The following ULK4 variants were observed in gnomAD, a reference collection of about 807,000 sequenced individuals.
The protein encoded by ULK4 is unc-51 like kinase 4.
In ULK4, 133 loss-of-function variants were observed where a neutral mutation model predicts 160.6. The observed-to-expected ratio is 0.83, with a 90% CI of 0.72 to 0.96. ULK4 has a LOEUF of 0.96. ULK4 is among the 40% of genes least tolerant of loss of function. ULK4 has a pLI of 0.00. For missense variants in ULK4, 1,580 were observed against 1,499.5 expected (o/e 1.05, Z -0.89); for synonymous variants, 534 against 539.8 (o/e 0.99, Z 0.15).
intron 21 of ULK4, among the ~76,000 whole-genome samples, chr3:41,768,949 T>C (rs2039260607): frequency 6.6e-6 from 1 of 152,052 alleles, no homozygotes; most frequent in African/African-American, 2.4e-5. Flanking sequence ...CCCAATAAAC[T>C]CACTGTAAAT....
chr3:41,803,895 T>C (rs551832737), intron 19 of ULK4, among the ~76,000 whole-genome samples: 1 of 152,354 alleles, frequency 6.6e-6, no homozygotes, highest in South Asian at 2.1e-4. Flanking sequence ...TTGTTGGACA[T>C]TTGGATTGGT....
At chr3:41,769,906 C>A (rs762375885) in intron 21 of ULK4, among the ~76,000 whole-genome samples, 13 of 152,138 alleles carry the variant, frequency 8.5e-5, no homozygotes, top group Non-Finnish European at 1.6e-4. Flanking sequence ...TGGCCATCAA[C>A]TGATAACAGC....
At chr3:41,755,712 A>G (rs1456313388) in intron 21 of ULK4, among the ~76,000 whole-genome samples, 1 of 152,228 alleles carries the variant, frequency 6.6e-6, no homozygotes, top group East Asian at 1.9e-4. Context: ...TCCAGATTAT[A>G]AGAGATTAAA....
At chr3:41,933,768 A>G (rs1216087539) in intron 4 of ULK4, among the ~76,000 whole-genome samples, 2 of 151,960 alleles carry the variant, frequency 1.3e-5, no homozygotes, top group East Asian at 3.9e-4. Context: ...TGTGGTTTTT[A>G]GCCAGGCATG....
At chr3:41,919,843 C>T (rs545229454) in intron 5 of ULK4, 25 bp from the exon 6 acceptor site, 2 of 1,553,786 alleles carry the variant, frequency 1.3e-6, no homozygotes, top group Non-Finnish European at 1.8e-6. Context: ...TGAAGAACAG[C>T]TCGGTTAGGC....
intron 17 of ULK4, among the ~76,000 whole-genome samples, chr3:41,837,134 A>G (rs956782276): frequency 1.3e-5 from 2 of 152,240 alleles, no homozygotes; most frequent in African/African-American, 4.8e-5. Flanking sequence ...CATTTTGCAA[A>G]TAAGAGTATG....
At chr3:41,782,157 T>A (rs1246276872) in intron 21 of ULK4, among the ~76,000 whole-genome samples, 1 of 83,554 alleles carries the variant, frequency 1.2e-5, no homozygotes, top group Non-Finnish European at 2.2e-5. Context: ...CGATTCTGAA[T>A]TTTTTTTTTT....
chr3:41,798,641 G>A (rs2040368074), intron 20 of ULK4, among the ~76,000 whole-genome samples: 1 of 152,106 alleles, frequency 6.6e-6, no homozygotes, highest in Non-Finnish European at 1.5e-5. Flanking sequence ...ACCAGATTGG[G>A]CTAAAAGGGA....
chr3:41,788,372 G>A (rs1324183677), intron 21 of ULK4, among the ~76,000 whole-genome samples: 1 of 152,096 alleles, frequency 6.6e-6, no homozygotes, highest in African/African-American at 2.4e-5. Context: ...ATCATGTTTT[G>A]CAAAACTCTG....
At chr3:41,910,757 C>T (rs898275366) in intron 11 of ULK4, among the ~76,000 whole-genome samples, 1 of 152,162 alleles carries the variant, frequency 6.6e-6, no homozygotes, top group African/African-American at 2.4e-5. Context: ...ATGGCTCAAA[C>T]CCAGGAGTTT....
intron 34 of ULK4, among the ~76,000 whole-genome samples, chr3:41,434,882 TAGTC>T (rs1420241805): frequency 6.6e-6 from 1 of 152,208 alleles, no homozygotes; most frequent in Non-Finnish European, 1.5e-5. Flanking sequence ...GTTTAGTACT[TAGTC>T]AATTTATTTT....
At chr3:41,646,080 G>T (rs2034474923) in intron 30 of ULK4, among the ~76,000 whole-genome samples, 1 of 152,104 alleles carries the variant, frequency 6.6e-6, no homozygotes, top group African/African-American at 2.4e-5. Flanking sequence ...TTGAGCCTAT[G>T]TGTGTCTCTG....
intron 22 of ULK4, among the ~76,000 whole-genome samples, chr3:41,737,836 A>G (rs1411307363): frequency 6.6e-6 from 1 of 151,940 alleles, no homozygotes; most frequent in Non-Finnish European, 1.5e-5. Context: ...AATTCAAATT[A>G]CAGTGACCCC....
intron 35 of ULK4, among the ~76,000 whole-genome samples, chr3:41,313,044 A>C (rs2080081168): frequency 6.6e-6 from 1 of 152,236 alleles, no homozygotes; most frequent in South Asian, 2.1e-4. Flanking sequence ...ACAGAAATGA[A>C]CACATGCCAA....
At chr3:41,532,211 G>A (rs1386433830) in intron 32 of ULK4, among the ~76,000 whole-genome samples, 6 of 152,140 alleles carry the variant, frequency 3.9e-5, no homozygotes, top group Non-Finnish European at 8.8e-5. Context: ...CATTCTACAG[G>A]CTATTCCACT....
At chr3:41,627,590 G>A (rs2033576537) in intron 30 of ULK4, among the ~76,000 whole-genome samples, 1 of 152,172 alleles carries the variant, frequency 6.6e-6, no homozygotes, top group Non-Finnish European at 1.5e-5. Context: ...ATACAGACTT[G>A]ATTTTCTGGC....
At chr3:41,707,663 C>T (rs1222062382) in intron 25 of ULK4, among the ~76,000 whole-genome samples, 1 of 151,878 alleles carries the variant, frequency 6.6e-6, no homozygotes, top group Non-Finnish European at 1.5e-5. Context: ...AAGACTGTCT[C>T]CGCAGAAAAA....
intron 20 of ULK4, among the ~76,000 whole-genome samples, chr3:41,794,959 A>G (rs1456649130): frequency 2.0e-5 from 3 of 152,166 alleles, no homozygotes; most frequent in Non-Finnish European, 4.4e-5. Context: ...GGAGGGAAGG[A>G]GTGTTACAAG....
intron 17 of ULK4, chr3:41,869,025 A>C (rs1272701322): frequency 6.6e-6 from 1 of 152,116 alleles, no homozygotes; most frequent in Non-Finnish European, 1.5e-5. Flanking sequence ...AAGCAGTGGG[A>C]GTGGAGAAGA....
Sources: gnomAD v4.1 joint callset for allele counts (sites outside exome capture counted in the v4.1 genomes callset) on GRCh38, gnomAD v4.1.1 for gene constraint, MANE v1.5 for transcripts, NCBI Gene and HGNC (gene_info 2026-07-23, HGNC 2026-07-21) for gene names.